The following SCAMP2 variants were observed in gnomAD, a reference collection of about 807,000 sequenced individuals.
SCAMP2 encodes secretory carrier-associated membrane protein 2.
SCAMP2 carries 25 observed loss-of-function variants against 44.1 expected under a neutral mutation model. That is an observed-to-expected ratio of 0.57 (90% CI 0.41 to 0.79). The LOEUF is 0.79. Ranked by LOEUF, SCAMP2 falls within the 30% of genes least tolerant of loss-of-function variation. The pLI, the probability that SCAMP2 is intolerant of heterozygous loss-of-function variation, is 0.00. For missense variants in SCAMP2, 355 were observed against 411.0 expected (o/e 0.86, Z 1.18); for synonymous variants, 156 against 166.0 (o/e 0.94, Z 0.46).
chr15:74,844,870 G>A lies in SCAMP2; in HGVS notation c.*213C>T, dbSNP rs959339356. On this transcript the variant is annotated 3_prime_UTR_variant, in exon 9 of 9. Transcript: ENST00000268099. Reference sequence around the variant, plus strand: ...ACCAAACCATCACCAGAGAAGGAAAGAGAGCTTTGTTTTTTTTTGTACATA... The same window carrying A: ...ACCAAACCATCACCAGAGAAGGAAAAAGAGCTTTGTTTTTTTTTGTACATA... The A allele has an allele frequency of 5.9e-5, 32 of 543,404 alleles. No homozygotes were observed. The African/African-American group carries it at 6.2e-4, about 10-fold the overall frequency. The allele number at this position is 543,404 out of a possible 1,614,324, so 33.7% of individuals were successfully genotyped here.
At chr15:74,859,559 AAG>A (rs1487985703) in intron 1 of SCAMP2, among the ~76,000 whole-genome samples, 2 of 151,934 alleles carry the variant, frequency 1.3e-5, no homozygotes, top group South Asian at 4.2e-4. Context: ...GCAGTGAGGG[AAG>A]AGAGGCAGGC....
Position 74,859,958 on chromosome 15 carries a change from C to T in SCAMP2, c.58-5309G>A, listed in dbSNP as rs563659692. ...AACACATTAAATAAATATCTTATCT[C>T]ACGGACTAAAAAAAATTCAGGGCCA... On this transcript the variant is annotated intron_variant, in intron 1 of 8. Transcript: ENST00000268099. Among the ~76,000 whole-genome samples, 4 of 152,210 alleles carry T rather than the reference C, an allele frequency of 2.6e-5. No individual in the cohort carries two copies. In the South Asian group the frequency reaches 8.3e-4, roughly 32 times the overall value.
chr15:74,854,785 G>A, intron 1 of SCAMP2, 136 bp from the exon 2 acceptor site: 1 of 707,794 alleles, frequency 1.4e-6, no homozygotes, highest in South Asian at 1.8e-5. Flanking sequence ...CTCTGGAAGG[G>A]TCCTGTGCCT....
At chr15:74,858,089 C>T (rs576827471) in intron 1 of SCAMP2, among the ~76,000 whole-genome samples, 8 of 152,248 alleles carry the variant, frequency 5.3e-5, no homozygotes, top group Non-Finnish European at 1.0e-4. Context: ...TAGGCTCTTT[C>T]TGAAAGATGT....
chr15:74,851,427 A>G lies in SCAMP2; in HGVS notation c.398T>C (p.Phe133Ser), dbSNP rs1299999357. Residue 133 changes from phenylalanine to serine, a missense_variant, in exon 5 of 9, where the codon TTC (phenylalanine) becomes TCC (serine). Transcript: ENST00000268099. ...LPSWCPVKPC[F>S]YQDFSTEIPA... is the part of the protein sequence containing the mutation. ...GATCTCTGTGGAGAAATCCTGATAG[A>G]AGCAGGGCTTCACAGGGCACCACGA... 1 of 1,614,044 alleles carries G rather than the reference A, an allele frequency of 6.2e-7. No individual in the cohort carries two copies. Among genetic ancestry groups the G allele is most frequent in the Non-Finnish European group, 8.5e-7 (1 of 1,179,930 alleles).
intron 3 of SCAMP2, chr15:74,853,689 C>T (rs2064450209): frequency 2.3e-6 from 1 of 430,238 alleles, no homozygotes; most frequent in African/African-American, 2.0e-5. Flanking sequence ...GATTCTGGGC[C>T]CCAAGGAAGA....
chr15:74,868,983 C>G (rs760279991), intron 1 of SCAMP2, among the ~76,000 whole-genome samples: 1 of 152,134 alleles, frequency 6.6e-6, no homozygotes, highest in Non-Finnish European at 1.5e-5. Flanking sequence ...TGGTAAAACC[C>G]TGTCTCTAGT....
chr15:74,860,086 C>T (rs931947336), intron 1 of SCAMP2, among the ~76,000 whole-genome samples: 16 of 152,056 alleles, frequency 1.1e-4, no homozygotes, highest in Non-Finnish European at 2.2e-4. Context: ...CATAGCGAGA[C>T]CCTGTCTCTT....
At chr15:74,851,043 C>T (rs1223562147) in intron 5 of SCAMP2, among the ~76,000 whole-genome samples, 2 of 152,216 alleles carry the variant, frequency 1.3e-5, no homozygotes, top group African/African-American at 4.8e-5. Flanking sequence ...CCTCAGAGTT[C>T]ACAGGCCTGT....
intron 1 of SCAMP2, among the ~76,000 whole-genome samples, chr15:74,855,206 C>T (rs749069920): frequency 3.9e-4 from 60 of 152,086 alleles, no homozygotes; most frequent in Non-Finnish European, 6.0e-4. Flanking sequence ...TGGGTTGAAG[C>T]GATTCTCCTG....
intron 1 of SCAMP2, among the ~76,000 whole-genome samples, chr15:74,859,720 G>A (rs567782828): frequency 3.3e-5 from 5 of 151,188 alleles, no homozygotes; most frequent in South Asian, 2.1e-4. Flanking sequence ...AGGTTGAAGC[G>A]ATTCTCGTGC....
Position 74,873,337 on chromosome 15 carries a change from T to G in SCAMP2, c.-82A>C. 8.5e-7 allele frequency: 1 copy of G among 1,173,324 alleles called. No individual in the cohort carries two copies. The highest frequency in any genetic ancestry group is 1.6e-5 in the South Asian group (1 of 62,448). 72.7% of individuals were successfully genotyped at this position (1,173,324 alleles called of 1,614,324 possible). ...ACCCAGCGGCGCTTCGTGTAGACCCTCCACTTCCGGGAGCGAGGCAGCGGT... is the reference window on the plus strand; with the variant it reads ...ACCCAGCGGCGCTTCGTGTAGACCCGCCACTTCCGGGAGCGAGGCAGCGGT... On this transcript the variant is annotated 5_prime_UTR_variant, in exon 1 of 9. Coordinates refer to ENST00000268099, the MANE Select transcript of SCAMP2 (RefSeq NM_005697.5).
chr15:74,845,707 C>T, intron 7 of SCAMP2, 114 bp from the exon 8 acceptor site: 2 of 1,318,080 alleles, frequency 1.5e-6, no homozygotes, highest in Non-Finnish European at 1.1e-6. Flanking sequence ...TTGGCATCTC[C>T]CCACAGCACA....
intron 4 of SCAMP2, 48 bp downstream of exon 4, chr15:74,852,021 T>A (rs202101563): frequency 7.3e-7 from 1 of 1,365,018 alleles, no homozygotes; most frequent in Non-Finnish European, 1.0e-6. Flanking sequence ...TTCAGGACAC[T>A]CTTCTATGCC....
Position 74,845,032 on chromosome 15 carries a change from A to G in SCAMP2, c.*51T>C. On this transcript the variant is annotated 3_prime_UTR_variant, in exon 9 of 9. Transcript: ENST00000268099. ...CACATAAGGCACCCACGGAAAGTGC[A>G]GCTCAGAAGGCAGGCGAGAGAAAGG... The G allele has an allele frequency of 6.9e-6, 11 of 1,584,888 alleles. No individual in the cohort carries two copies. Among genetic ancestry groups the G allele is most frequent in the African/African-American group, 1.3e-5 (1 of 74,404 alleles).
At chr15:74,859,994 G>T (rs948783917) in intron 1 of SCAMP2, among the ~76,000 whole-genome samples, 5 of 152,196 alleles carry the variant, frequency 3.3e-5, no homozygotes, top group African/African-American at 1.2e-4. Context: ...GCCGGGCACG[G>T]TGGCTCAAGC....
chr15:74,849,265 T>C (rs2064419108), intron 6 of SCAMP2, among the ~76,000 whole-genome samples: 1 of 152,154 alleles, frequency 6.6e-6, no homozygotes, highest in African/African-American at 2.4e-5. Flanking sequence ...CTAGCCAACA[T>C]GGCAAAACCC....
At chr15:74,865,985 A>C (rs2064540179) in intron 1 of SCAMP2, among the ~76,000 whole-genome samples, 1 of 81,098 alleles carries the variant, frequency 1.2e-5, no homozygotes, top group Non-Finnish European at 2.5e-5. Context: ...GAAGGAAGGA[A>C]GGAAGGAAGG....
At chr15:74,869,115 T>C (rs2064560210) in intron 1 of SCAMP2, among the ~76,000 whole-genome samples, 2 of 152,072 alleles carry the variant, frequency 1.3e-5, no homozygotes, top group Non-Finnish European at 2.9e-5. Context: ...GATCGCACCA[T>C]TGCACTCTAG....
Sources: allele counts gnomAD v4.1 joint callset (sites outside exome capture counted in the v4.1 genomes callset), GRCh38; gene constraint gnomAD v4.1.1; transcripts MANE v1.5; gene names NCBI Gene and HGNC (gene_info 2026-07-23, HGNC 2026-07-21).